The following KLF12 variants were observed in gnomAD, a reference collection of about 807,000 sequenced individuals.
KLF12 encodes KLF transcription factor 12.
A neutral mutation model predicts 37.8 loss-of-function variants in KLF12; 9 were observed. That is an observed-to-expected ratio of 0.24 (90% confidence interval 0.14 to 0.42). KLF12 has a LOEUF of 0.42. Among genes scored for constraint, KLF12 ranks in the 10% least tolerant of loss-of-function variants. The pLI is 1.00. For synonymous variants in KLF12, 208 were observed against 202.1 expected, an observed-to-expected ratio of 1.03 and a Z score of -0.25; for missense variants, 411 against 516.0, an observed-to-expected ratio of 0.80 and a Z score of 1.97.
chr13:73,996,532 G>A (rs1377761034), intron 1 of KLF12, among the ~76,000 whole-genome samples: 1 of 152,182 alleles, frequency 6.6e-6, no homozygotes, highest in African/African-American at 2.4e-5. Context: ...CCATAGGCAT[G>A]TTCTCATATA....
At chr13:73,935,270 T>A (rs964599439) in intron 3 of KLF12, among the ~76,000 whole-genome samples, 1 of 152,188 alleles carries the variant, frequency 6.6e-6, no homozygotes, top group African/African-American at 2.4e-5. Context: ...ATTACAGGCA[T>A]GAGCCATCGT....
At chr13:74,077,467 CAG>C (rs1262207896) in intron 1 of KLF12, among the ~76,000 whole-genome samples, 2 of 151,938 alleles carry the variant, frequency 1.3e-5, no homozygotes, top group African/African-American at 2.4e-5. Flanking sequence ...TTATAATTAA[CAG>C]TATAATAATT....
Position 73,977,051 on chromosome 13 carries a change from C to CT in KLF12, c.33+17938dup, listed in dbSNP as rs113481989. ...ATGTATACAATAAGAAGACAACATA[C>CT]TTTTTTTTTTTTTTTTTGAGACAGG... On this transcript the variant is annotated intron_variant, in intron 2 of 7. Coordinates refer to ENST00000377669, the MANE Select transcript of KLF12 (RefSeq NM_007249.5). Among the ~76,000 whole-genome samples, 1,303 of 139,694 alleles carry CT rather than the reference C, an allele frequency of 9.3e-3. 8 individuals are homozygous for CT. Among genetic ancestry groups the CT allele is most frequent in the East Asian group, 0.034 (163 of 4,816 alleles). 91.6% of individuals were successfully genotyped at this position (139,694 alleles called of 152,430 possible).
chr13:73,896,741 A>G (rs77631001), intron 3 of KLF12, among the ~76,000 whole-genome samples: 3 of 152,138 alleles, frequency 2.0e-5, no homozygotes, highest in African/African-American at 7.2e-5. Context: ...CTTTTTGCCC[A>G]TGGAGATTCA....
chr13:73,901,882 G>A (rs1888059019), intron 3 of KLF12, among the ~76,000 whole-genome samples: 1 of 152,154 alleles, frequency 6.6e-6, no homozygotes, highest in South Asian at 2.1e-4. Context: ...CTGTAATCCT[G>A]TTTTATGATT....
intron 3 of KLF12, among the ~76,000 whole-genome samples, chr13:73,892,322 A>G (rs1288687304): frequency 6.6e-6 from 1 of 152,154 alleles, no homozygotes; most frequent in Non-Finnish European, 1.5e-5. Context: ...GATGAATTCT[A>G]AACTCCTAGA....
At chr13:74,179,181 G>T in the KLF12 span, among the ~76,000 whole-genome samples, 4 of 152,192 alleles carry the variant, frequency 2.6e-5, no homozygotes, top group Non-Finnish European at 5.9e-5. Flanking sequence ...ATGACCACAG[G>T]CCTTTGGTTA....
intron 3 of KLF12, among the ~76,000 whole-genome samples, chr13:73,925,944 T>C (rs898356151): frequency 2.0e-5 from 3 of 152,330 alleles, no homozygotes; most frequent in Non-Finnish European, 4.4e-5. Flanking sequence ...ATGATGGAAT[T>C]GCTTCAATCT....
chr13:74,064,010 G>A (rs143904068), intron 1 of KLF12, among the ~76,000 whole-genome samples: 189 of 152,248 alleles, frequency 1.2e-3, no homozygotes, highest in African/African-American at 4.1e-3. Flanking sequence ...ATAGACATGA[G>A]CTAATAAAAT....
chr13:73,760,673 C>T (rs1419304065), intron 6 of KLF12, among the ~76,000 whole-genome samples: 6 of 152,014 alleles, frequency 3.9e-5, no homozygotes, highest in Non-Finnish European at 7.4e-5. Context: ...TACAAATAGC[C>T]CATAAAGTTT....
chr13:73,779,977 A>G (rs1328698040), intron 5 of KLF12, among the ~76,000 whole-genome samples: 1 of 152,228 alleles, frequency 6.6e-6, no homozygotes, highest in African/African-American at 2.4e-5. Context: ...AAAGATCAAA[A>G]TATCAACATT....
chr13:74,013,612 A>AGG (rs139459785), intron 1 of KLF12, among the ~76,000 whole-genome samples: 1 of 152,176 alleles, frequency 6.6e-6, no homozygotes, highest in African/African-American at 2.4e-5. Flanking sequence ...CAAAATATCT[A>AGG]GGGGGGCAAA....
chr13:73,980,801 A>T (rs536876968), intron 2 of KLF12, among the ~76,000 whole-genome samples: 1 of 152,308 alleles, frequency 6.6e-6, no homozygotes, highest in East Asian at 1.9e-4. Flanking sequence ...AAATCTTCAA[A>T]TGTCAGCAGA....
chr13:73,889,101 G>A (rs959900778), intron 3 of KLF12, among the ~76,000 whole-genome samples: 1 of 152,130 alleles, frequency 6.6e-6, no homozygotes, highest in Admixed American at 6.5e-5. Flanking sequence ...ATAATTTCTG[G>A]TAGAATCCAC....
chr13:74,007,437 A>AT (rs67419506), intron 1 of KLF12, among the ~76,000 whole-genome samples: 1 of 149,848 alleles, frequency 6.7e-6, no homozygotes, highest in African/African-American at 2.5e-5. Flanking sequence ...ACGCCCGGTA[A>AT]TTTTTTTTTT....
chr13:73,729,468 ACTGT>A, intron 6 of KLF12, among the ~76,000 whole-genome samples: 1 of 152,222 alleles, frequency 6.6e-6, no homozygotes, highest in Non-Finnish European at 1.5e-5. Context: ...CAGGGTAGGT[ACTGT>A]TACTGGCAAT....
chr13:73,942,651 C>T lies in KLF12; in HGVS notation c.123+1330G>A, dbSNP rs530723122. The stretch of plus-strand genomic sequence containing the variant: ...ACTGAACCAATGTTAGTAATTGCCA[C>T]GGTCTTCTCCTTCATGATCCTCTAC... On this transcript the variant is annotated intron_variant, in intron 3 of 7. Coordinates refer to ENST00000377669, the MANE Select transcript of KLF12 (RefSeq NM_007249.5). Among the ~76,000 whole-genome samples the T allele has an allele frequency of 2.0e-4, 31 of 152,272 alleles. No individual in the cohort carries two copies. In the South Asian group the frequency reaches 3.9e-3, roughly 19 times the overall value.
At chr13:74,268,804 C>T in the KLF12 span, among the ~76,000 whole-genome samples, 2 of 152,174 alleles carry the variant, frequency 1.3e-5, no homozygotes, top group Non-Finnish European at 2.9e-5. Flanking sequence ...ATGAATGCAT[C>T]CACCAGGCAT....
chr13:73,899,383 T>G (rs993069434), intron 3 of KLF12, among the ~76,000 whole-genome samples: 2 of 151,904 alleles, frequency 1.3e-5, no homozygotes, highest in Non-Finnish European at 2.9e-5. Context: ...AGGACAATAA[T>G]CTCTCAACCC....
Sources: allele counts gnomAD v4.1 joint callset (sites outside exome capture counted in the v4.1 genomes callset), GRCh38; gene constraint gnomAD v4.1.1; transcripts MANE v1.5; gene names NCBI Gene and HGNC (gene_info 2026-07-23, HGNC 2026-07-21).